Variants in LTK observed in about 807,000 individuals in gnomAD.
LTK encodes leukocyte tyrosine kinase receptor.
LTK carries 117 observed loss-of-function variants against 101.5 expected under a neutral mutation model. That is an observed-to-expected ratio of 1.15 (90% CI 0.99 to 1.34). The LOEUF (loss-of-function observed/expected upper bound fraction) is 1.34. Among genes scored for constraint, LTK ranks in the 40% most tolerant of loss-of-function variants. The probability of loss-of-function intolerance (pLI) is 0.00; values close to 1 mark genes in which losing one functional copy is unlikely to be tolerated. For missense variants in LTK, 1,252 were observed against 1,164.7 expected, an observed-to-expected ratio of 1.07 and a Z score of -1.09; for synonymous variants, 563 against 494.2, an observed-to-expected ratio of 1.14 and a Z score of -1.85.
At position 41,512,793 on chromosome 15, in the gene LTK, C is replaced by G. The variant is rs1460359338; in HGVS notation, c.273G>C (p.Ala91=). 1.2e-6 allele frequency: 2 copies of G among 1,612,170 alleles called. No individual in the cohort carries two copies. Among genetic ancestry groups the G allele is most frequent in the East Asian group, 4.5e-5 (2 of 44,866 alleles). Residue 91 remains alanine, a synonymous_variant, in exon 3 of 20, where the codon GCG becomes GCC. Transcript: ENST00000263800. ...PTQTQCDGAY[A]GTSVVVTVGA... ...CCACGGTCACCACCACGCTGGTCCC[C>G]GCGTACGCCCCGTCACATTGTGTCT...
chr15:41,507,113 G>T lies in LTK; in HGVS notation c.1523C>A (p.Ala508Asp), dbSNP rs2051310270. ...GACTTACCTGAGCAGAGTAACATTG[G>T]CTGGGGAAACCTCGGTGACACCTGG... ...LPPGVTEVSP[A>D]NVTLLRALGH... Residue 508 changes from alanine to aspartate, a missense_variant, in exon 11 of 20, where the codon GCC becomes GAC. Coordinates refer to ENST00000263800, the MANE Select transcript of LTK (RefSeq NM_002344.6). The T allele has an allele frequency of 6.2e-7, 1 of 1,613,300 alleles. No homozygotes were observed. The highest frequency in any genetic ancestry group is 1.3e-5 in the African/African-American group (1 of 74,886).
chr15:41,504,918 G>T, intron 16 of LTK, 44 bp from the exon 17 acceptor site: 2 of 1,600,054 alleles, frequency 1.2e-6, no homozygotes, highest in Non-Finnish European at 1.7e-6. Flanking sequence ...CACCACCAAG[G>T]TGCGGGGAAA....
chr15:41,511,977 G>C lies in LTK; in HGVS notation c.511-14C>G, dbSNP rs1400530959. On this transcript the variant is annotated splice_polypyrimidine_tract_variant and intron_variant, in intron 4 of 19. Transcript: ENST00000263800. This position sits in a 1 kb window ranked among gnomAD's most constrained non-coding sequence, Gnocchi z 5.9. ...CTCCGGGCTACCCTGCGGGCAGCGG[G>C]GGAGGGAATCGGCGGGGCCCGGGAG... 1.4e-6 allele frequency: 2 copies of C among 1,465,564 alleles called. No individual in the cohort carries two copies. The highest frequency in any genetic ancestry group is 1.5e-5 in the African/African-American group (1 of 68,460). The allele number at this position is 1,465,564 out of a possible 1,614,324, so 90.8% of individuals were successfully genotyped here. A position where few individuals can be genotyped will look rare whatever the true frequency, so the allele number is the denominator to read the frequency against.
rs2065777142 is a variant in LTK at position 41,505,636 on chromosome 15, C to G, written c.1697+77G>C. 4 of 1,604,468 alleles carry G rather than the reference C, an allele frequency of 2.5e-6. No individual in the cohort carries two copies. In the South Asian group the frequency reaches 4.4e-5, roughly 18 times the overall value. On this transcript the variant is annotated intron_variant, in intron 13 of 19. Transcript: ENST00000263800. ...CTCTGTGTCCCCTGACTTGCTACCT[C>G]AGCCTCAGGGTGAAGAGAAACTGTT...
chr15:41,505,846 CTA>C, intron 12 of LTK, 67 bp downstream of exon 12: 1 of 1,601,422 alleles, frequency 6.2e-7, no homozygotes. Flanking sequence ...AACCCTAGCT[CTA>C]GTCATTGTCC....
chr15:41,508,952 T>C, intron 8 of LTK, 79 bp downstream of exon 8: 1 of 908,868 alleles, frequency 1.1e-6, no homozygotes, highest in Non-Finnish European at 1.7e-6. Flanking sequence ...CAGGTGGCTC[T>C]TCAGTGCAGT....
In LTK at chr15:41,505,381, G is replaced by T. The variant is rs376165812; in HGVS notation, c.1827+20C>A. Reference sequence around the variant, plus strand: ...CAGGGTCTTTAGAGGGGCCTGGGGGGGCTAAGACAAGGGTCTCACCAGGTG... The same window carrying T: ...CAGGGTCTTTAGAGGGGCCTGGGGGTGCTAAGACAAGGGTCTCACCAGGTG... On this transcript the variant is annotated intron_variant, in intron 14 of 19. Coordinates refer to ENST00000263800, the MANE Select transcript of LTK (RefSeq NM_002344.6). The T allele has an allele frequency of 4.3e-6, 7 of 1,613,464 alleles. No homozygotes were observed. The highest frequency in any genetic ancestry group is 1.7e-5 in the Admixed American group (1 of 59,914).
At chr15:41,509,180 G>C (rs758497904) in intron 7 of LTK, 51 bp from the exon 8 acceptor site, 15 of 1,104,030 alleles carry the variant, frequency 1.4e-5, no homozygotes, top group Non-Finnish European at 2.0e-5. Context: ...GGGGATGGGG[G>C]AGAAGCTGGA....
chr15:41,504,334 G>C lies in LTK; in HGVS notation c.2346+8C>G, dbSNP rs1189776802. The C allele has an allele frequency of 1.7e-5, 27 of 1,613,986 alleles. No individual in the cohort carries two copies. The highest frequency in any genetic ancestry group is 2.1e-5 in the Non-Finnish European group (25 of 1,179,956). On this transcript the variant is annotated splice_region_variant and intron_variant, in intron 19 of 19. Coordinates refer to ENST00000263800, the MANE Select transcript of LTK (RefSeq NM_002344.6). ...AGACCAGGATGTTAGATTAGGTCGG[G>C]GGCACACCTGAGTGCAGTACTGCAG... is the stretch of plus-strand genomic sequence containing the variant.
At chr15:41,513,591 C>A in intron 1 of LTK, 76 bp downstream of exon 1, 1 of 1,348,818 alleles carries the variant, frequency 7.4e-7, no homozygotes, top group African/African-American at 1.4e-5. Flanking sequence ...TGACACCTGG[C>A]CTGTTGACCG....
At chr15:41,512,033 C>A (rs2051487981) in intron 4 of LTK, 70 bp from the exon 5 acceptor site, 2 of 1,472,872 alleles carry the variant, frequency 1.4e-6, no homozygotes, top group South Asian at 2.7e-5. Context: ...GACCCGGCAC[C>A]GAGGAAAGCA....
Position 41,507,126 on chromosome 15 carries a change from C to G in LTK, c.1510G>C (p.Glu504Gln), listed in dbSNP as rs779964860. The G allele has an allele frequency of 1.2e-6, 2 of 1,613,522 alleles. No individual in the cohort carries two copies. The highest frequency in any genetic ancestry group is 1.3e-5 in the African/African-American group (1 of 75,002). ...QSWPLPPGVT[E>Q]VSPANVTLLR... is the part of the protein sequence containing the mutation. ...AGAGTAACATTGGCTGGGGAAACCT[C>G]GGTGACACCTGGTGGCAGAGGCCAG... Residue 504 changes from glutamate (E) to glutamine (Q), a missense_variant, in exon 11 of 20, where the codon GAG (glutamate) becomes CAG (glutamine). By Grantham distance (29) the Glu-to-Gln change is conservative. Coordinates refer to ENST00000263800, the MANE Select transcript of LTK (RefSeq NM_002344.6).
At position 41,505,395 on chromosome 15, in the gene LTK, T is replaced by A; in HGVS notation, c.1827+6A>T. Reference sequence around the variant, plus strand: ...GGGCCTGGGGGGGCTAAGACAAGGGTCTCACCAGGTGTGGCCGACTGTGCC... The same window carrying A: ...GGGCCTGGGGGGGCTAAGACAAGGGACTCACCAGGTGTGGCCGACTGTGCC... On this transcript the variant is annotated splice_donor_region_variant and intron_variant, in intron 14 of 19. Transcript: ENST00000263800. 2 of 1,613,404 alleles carry A rather than the reference T, an allele frequency of 1.2e-6. No homozygotes were observed. The highest frequency in any genetic ancestry group is 1.7e-6 in the Non-Finnish European group (2 of 1,179,854).
chr15:41,512,354 T>C, intron 3 of LTK, 89 bp from the exon 4 acceptor site: 1 of 1,393,020 alleles, frequency 7.2e-7, no homozygotes, highest in South Asian at 1.4e-5. Context: ...GCTCCAGAAT[T>C]ATTTTTTATC....
At chr15:41,507,521 G>A in intron 10 of LTK, 41 bp downstream of exon 10, 1 of 1,604,034 alleles carries the variant, frequency 6.2e-7, no homozygotes, top group Non-Finnish European at 8.5e-7. Context: ...CACTGGAGAG[G>A]AGCAGCCTTG....
Position 41,507,261 on chromosome 15 carries a change from C to G in LTK, c.1375G>C (p.Glu459Gln). 6.2e-7 allele frequency: 1 copy of G among 1,602,498 alleles called. No individual in the cohort carries two copies. The highest frequency in any genetic ancestry group is 8.5e-7 in the Non-Finnish European group (1 of 1,175,504). Residue 459 changes from glutamate (E) to glutamine (Q), a missense_variant, in exon 11 of 20, where the codon GAG becomes CAG. Physicochemically the swap from Glu to Gln is conservative, Grantham distance 29. Coordinates refer to ENST00000263800, the MANE Select transcript of LTK (RefSeq NM_002344.6). ...VKQKKWQGLQ[E>Q]MRLPSPELEL... is the part of the protein sequence containing the mutation. ...AGCTCAGGGCTCGGCAGCCTCATCT[C>G]CTGCAGGCCCTGCCACTTCTTCTGC...
At chr15:41,510,611 G>A (rs2051425715) in intron 7 of LTK, among the ~76,000 whole-genome samples, 1 of 152,008 alleles carries the variant, frequency 6.6e-6, no homozygotes, top group East Asian at 1.9e-4. Context: ...ACAGGCTCCC[G>A]CCACCACGCC....
chr15:41,506,033 G>A (rs1430806730), intron 11 of LTK, 28 bp from the exon 12 acceptor site: 10 of 1,527,932 alleles, frequency 6.5e-6, no homozygotes, highest in Non-Finnish European at 9.1e-6. Flanking sequence ...GGAAGGGAGT[G>A]GGCAGGCGGC....
chr15:41,507,820 G>A (rs1179424714), intron 9 of LTK, among the ~76,000 whole-genome samples, 163 bp from the exon 10 acceptor site: 2 of 152,108 alleles, frequency 1.3e-5, no homozygotes, highest in African/African-American at 2.4e-5. Flanking sequence ...CACCCCTAAA[G>A]CACTTTATAC....
Sources: gnomAD v4.1 joint callset for allele counts (sites outside exome capture counted in the v4.1 genomes callset) on GRCh38, gnomAD v4.1.1 for gene constraint, Gnocchi (gnomAD v3.1) non-coding constraint, MANE v1.5 for transcripts, NCBI Gene and HGNC (gene_info 2026-07-23, HGNC 2026-07-21) for gene names.